The following CFAP20DC variants were observed in gnomAD, a reference collection of about 807,000 sequenced individuals.
CFAP20DC encodes the protein protein CFAP20DC.
Under a neutral mutation model 101.7 loss-of-function variants are expected in CFAP20DC, and 84 were observed. That is an observed-to-expected ratio of 0.83 (90% CI 0.69 to 0.99). The LOEUF (loss-of-function observed/expected upper bound fraction) is 0.99, where lower values mean the gene tolerates loss of function less well. CFAP20DC is among the 50% of genes least tolerant of loss of function. CFAP20DC has a pLI of 0.00. For missense variants in CFAP20DC, 1,007 were observed against 970.3 expected (o/e 1.04, Z -0.50); for synonymous variants, 359 against 351.2 (o/e 1.02, Z -0.25).
At chr3:59,046,098 T>C (rs1699838214) in intron 3 of CFAP20DC, 131 bp downstream of exon 3, 1 of 618,192 alleles carries the variant, frequency 1.6e-6, no homozygotes, top group Non-Finnish European at 2.7e-6. Flanking sequence ...CCCTCTAAAT[T>C]AAAAAAAAAA....
rs561752784 is a variant in CFAP20DC at position 58,722,262 on chromosome 3, T to G, written c.198-4634A>C. On this transcript the variant is annotated intron_variant, in intron 3 of 3. Coordinates refer to the CFAP20DC transcript ENST00000486145. The surrounding 1 kb of genome is among the most constrained non-coding windows in gnomAD (Gnocchi z 4.5). The stretch of plus-strand genomic sequence containing the variant: ...AAGTGTTCAGTCACCCCCACCCCTT[T>G]GAGCCTTTCCAGCTGAGGTCCCAGA... 6.6e-6 allele frequency among the ~76,000 whole-genome samples: 1 copy of G among 152,266 alleles called. No individual in the cohort carries two copies. Among genetic ancestry groups the G allele is most frequent in the South Asian group, 2.1e-4 (1 of 4,818 alleles).
intron 12 of CFAP20DC, among the ~76,000 whole-genome samples, chr3:58,853,805 C>G (rs534857521): frequency 8.3e-4 from 127 of 152,280 alleles, no homozygotes; most frequent in African/African-American, 2.8e-3. Flanking sequence ...TAAGAACTCT[C>G]AATAAATTAG....
At chr3:58,826,830 T>G (rs2107992931) in intron 14 of CFAP20DC, among the ~76,000 whole-genome samples, 3 of 152,174 alleles carry the variant, frequency 2.0e-5, no homozygotes, top group African/African-American at 7.2e-5. Context: ...GCTAATGTCA[T>G]AAGTGCTGTA....
At chr3:58,905,147 C>A (rs959148166) in intron 6 of CFAP20DC, among the ~76,000 whole-genome samples, 8 of 152,086 alleles carry the variant, frequency 5.3e-5, no homozygotes, top group African/African-American at 1.9e-4. Context: ...GAGAAAGAGA[C>A]CTGAACTGGG....
chr3:58,736,094 G>A (rs2107101476), intron 3 of CFAP20DC, among the ~76,000 whole-genome samples: 1 of 152,194 alleles, frequency 6.6e-6, no homozygotes, highest in Non-Finnish European at 1.5e-5. Context: ...ATACTGTCCA[G>A]ACCTAGGTAC....
At chr3:58,955,665 C>T (rs2090560211) in intron 4 of CFAP20DC, among the ~76,000 whole-genome samples, 3 of 152,004 alleles carry the variant, frequency 2.0e-5, no homozygotes, top group East Asian at 1.9e-4. Flanking sequence ...CTAGGCAAGT[C>T]CTAGTGCTGA....
chr3:58,821,448 G>GA (rs959015531), intron 14 of CFAP20DC, among the ~76,000 whole-genome samples: 11 of 151,688 alleles, frequency 7.3e-5, no homozygotes, highest in Admixed American at 1.3e-4. Context: ...AAATTCACAA[G>GA]AAAAAAACAA....
chr3:58,884,469 C>T, intron 7 of CFAP20DC, 76 bp downstream of exon 7: 4 of 1,411,594 alleles, frequency 2.8e-6, no homozygotes, highest in South Asian at 2.5e-5. Flanking sequence ...GTACAGTGCC[C>T]TTTTTGGAGG....
At chr3:58,880,528 A>C (rs1054502279) in intron 7 of CFAP20DC, among the ~76,000 whole-genome samples, 1 of 152,168 alleles carries the variant, frequency 6.6e-6, no homozygotes, top group African/African-American at 2.4e-5. Context: ...AGAAATGTAA[A>C]AATAGGTATG....
chr3:58,799,444 T>C lies in CFAP20DC; in HGVS notation c.2237+6951A>G, dbSNP rs1055010664. Among the ~76,000 whole-genome samples the C allele has an allele frequency of 6.6e-6, 1 of 152,080 alleles. No homozygotes were observed. Among genetic ancestry groups the C allele is most frequent in the African/African-American group, 2.4e-5 (1 of 41,388 alleles). On this transcript the variant is annotated intron_variant, in intron 15 of 16. Transcript: ENST00000482387. This position sits in a 1 kb window ranked among gnomAD's most constrained non-coding sequence, Gnocchi z 4.9. Reference sequence around the variant, plus strand: ...GGCCAGGTACTAGAGACTCTTAAGGTAGAGAAGTATACAGGTGCTCATGGG... The same window carrying C: ...GGCCAGGTACTAGAGACTCTTAAGGCAGAGAAGTATACAGGTGCTCATGGG...
At chr3:58,822,769 T>C (rs1392092283) in intron 14 of CFAP20DC, among the ~76,000 whole-genome samples, 2 of 152,118 alleles carry the variant, frequency 1.3e-5, no homozygotes, top group African/African-American at 2.4e-5. Flanking sequence ...AAATGGATAT[T>C]GATGGAGTTC....
At chr3:58,723,289 A>C (rs1235658307) in intron 3 of CFAP20DC, among the ~76,000 whole-genome samples, 1 of 152,206 alleles carries the variant, frequency 6.6e-6, no homozygotes, top group Non-Finnish European at 1.5e-5. Context: ...AACATTTGCA[A>C]TTTCAGAGGG....
chr3:58,743,621 G>A (rs1575529951), intron 16 of CFAP20DC, among the ~76,000 whole-genome samples: 1 of 152,336 alleles, frequency 6.6e-6, no homozygotes, highest in East Asian at 1.9e-4. Context: ...TGGGTATGGT[G>A]CAGGGCTCAC....
chr3:58,810,489 G>A (rs939123387), intron 14 of CFAP20DC, among the ~76,000 whole-genome samples: 1 of 152,086 alleles, frequency 6.6e-6, no homozygotes, highest in African/African-American at 2.4e-5. Flanking sequence ...AAAGGCCTCT[G>A]ACAAAATTCA....
At chr3:58,923,629 C>CTTTT (rs1194467611) in intron 5 of CFAP20DC, among the ~76,000 whole-genome samples, 2 of 152,082 alleles carry the variant, frequency 1.3e-5, no homozygotes, top group Non-Finnish European at 2.9e-5. Flanking sequence ...TATAATGTAT[C>CTTTT]TTTTACCTCT....
At chr3:58,997,053 ACTC>A (rs1387912036) in intron 4 of CFAP20DC, among the ~76,000 whole-genome samples, 2 of 151,442 alleles carry the variant, frequency 1.3e-5, no homozygotes, top group Non-Finnish European at 2.9e-5. Context: ...CACCCAAAAA[ACTC>A]CTGCTTTACT....
chr3:58,993,176 A>T (rs1490535202), intron 4 of CFAP20DC, among the ~76,000 whole-genome samples: 2 of 152,208 alleles, frequency 1.3e-5, no homozygotes, highest in Non-Finnish European at 2.9e-5. Flanking sequence ...TTTCTACATA[A>T]ACTATGCATT....
At chr3:58,889,517 G>T (rs895886273) in intron 6 of CFAP20DC, among the ~76,000 whole-genome samples, 1 of 150,578 alleles carries the variant, frequency 6.6e-6, no homozygotes, top group Non-Finnish European at 1.5e-5. Flanking sequence ...ATGCTCATTC[G>T]CCAATCTTTT....
At chr3:58,798,449 A>G (rs1406558770) in intron 15 of CFAP20DC, among the ~76,000 whole-genome samples, 1 of 152,272 alleles carries the variant, frequency 6.6e-6, no homozygotes, top group African/African-American at 2.4e-5. Flanking sequence ...AAACCTGAAT[A>G]GATGAGGAAC....
Sources: gnomAD v4.1 joint callset for allele counts (sites outside exome capture counted in the v4.1 genomes callset) on GRCh38, gnomAD v4.1.1 for gene constraint, Gnocchi (gnomAD v3.1) non-coding constraint, MANE v1.5 for transcripts, NCBI Gene and HGNC (gene_info 2026-07-23, HGNC 2026-07-21) for gene names.